Variants in SYCP2 observed in about 807,000 individuals in gnomAD.
SYCP2 encodes the protein synaptonemal complex lateral element protein.
SYCP2 carries 55 observed loss-of-function variants against 211.3 expected under a neutral mutation model. That is an observed-to-expected ratio of 0.26 (90% CI 0.21 to 0.33). The LOEUF is 0.33. Ranked by LOEUF, SYCP2 falls within the 10% of genes least tolerant of loss-of-function variation. SYCP2 has a pLI of 1.00. For missense variants in SYCP2, 1,731 were observed against 1,752.0 expected, an observed-to-expected ratio of 0.99 and a Z score of 0.21; for synonymous variants, 570 against 555.2, an observed-to-expected ratio of 1.03 and a Z score of -0.37.
intron 7 of SYCP2, among the ~76,000 whole-genome samples, chr20:59,917,273 TGAA>T (rs2060461130): frequency 3.3e-5 from 5 of 152,282 alleles, no homozygotes; most frequent in Admixed American, 3.3e-4. Context: ...TTAACCCCAA[TGAA>T]GTTCTAAATG....
At chr20:59,929,256 G>A (rs183176011) in intron 2 of SYCP2, among the ~76,000 whole-genome samples, 5 of 152,180 alleles carry the variant, frequency 3.3e-5, no homozygotes, top group East Asian at 1.9e-4. Flanking sequence ...CTGATACTAC[G>A]AAGTCACAGT....
intron 16 of SYCP2, 36 bp downstream of exon 16, chr20:59,901,626 G>T: frequency 8.0e-7 from 1 of 1,243,650 alleles, no homozygotes. Flanking sequence ...CCAGAATTAT[G>T]AAAATAGTAA....
rs894993204 is a variant in SYCP2, at chr20:59,922,509, TTTATCAG to T, written c.-46-57_-46-51del. 6 of 964,178 alleles carry T rather than the reference TTTATCAG, an allele frequency of 6.2e-6. No individual in the cohort carries two copies. The African/African-American group carries it at 1.0e-4, about 16-fold the overall frequency. 59.7% of individuals were successfully genotyped at this position (964,178 alleles called of 1,614,324 possible). On this transcript the variant is annotated intron_variant, in intron 2 of 44. Transcript: ENST00000357552. Reference sequence around the variant, plus strand: ...TGTATCTCACAATCTGTTTCATGTGTTTATCAGTTTAAATATCTTACACACATAAATA... The same window carrying T: ...TGTATCTCACAATCTGTTTCATGTGTTTTAAATATCTTACACACATAAATA...
chr20:59,871,795 A>T (rs1159356043), intron 35 of SYCP2, among the ~76,000 whole-genome samples: 1 of 151,968 alleles, frequency 6.6e-6, no homozygotes, highest in Non-Finnish European at 1.5e-5. Flanking sequence ...AATAGTTGTT[A>T]TATGTGTTGT....
intron 12 of SYCP2, 110 bp downstream of exon 12, chr20:59,913,863 CAT>C (rs2060380087): frequency 4.3e-6 from 3 of 696,342 alleles, no homozygotes; most frequent in Non-Finnish European, 6.8e-6. Context: ...TACACTCCAA[CAT>C]AGTGTAGAGA....
At chr20:59,869,467 T>TG (rs2059408937) in intron 36 of SYCP2, among the ~76,000 whole-genome samples, 1 of 151,714 alleles carries the variant, frequency 6.6e-6, no homozygotes. Flanking sequence ...GATGGATGGA[T>TG]GGGCTTTTAT....
intron 15 of SYCP2, 53 bp from the exon 16 acceptor site, chr20:59,901,863 G>A: frequency 2.2e-6 from 3 of 1,350,224 alleles, no homozygotes; most frequent in South Asian, 1.7e-5. Flanking sequence ...TACTCTGCAA[G>A]TATACTATAA....
intron 5 of SYCP2, among the ~76,000 whole-genome samples, chr20:59,920,054 G>C (rs2060512594): frequency 6.6e-6 from 1 of 151,564 alleles, no homozygotes; most frequent in Non-Finnish European, 1.5e-5. Context: ...CTACATGCTA[G>C]CATGGGAGAC....
intron 15 of SYCP2, 146 bp downstream of exon 15, chr20:59,907,218 A>T: frequency 3.2e-6 from 2 of 616,410 alleles, no homozygotes; most frequent in Non-Finnish European, 5.8e-6. Flanking sequence ...ACATGGGATC[A>T]AGGTGTTTGA....
intron 35 of SYCP2, among the ~76,000 whole-genome samples, chr20:59,873,560 A>G (rs2059494301): frequency 6.6e-6 from 1 of 152,166 alleles, no homozygotes; most frequent in Admixed American, 6.6e-5. Flanking sequence ...ATCAGACCAC[A>G]GTTGACTGTA....
intron 26 of SYCP2, 46 bp downstream of exon 26, chr20:59,885,882 T>C (rs762942745): frequency 9.9e-6 from 14 of 1,415,982 alleles, no homozygotes; most frequent in Admixed American, 9.2e-5. Flanking sequence ...TGGTCAAATA[T>C]TGAGTTTGAC....
chr20:59,928,911 A>G (rs1451458361), intron 2 of SYCP2, among the ~76,000 whole-genome samples: 1 of 152,190 alleles, frequency 6.6e-6, no homozygotes, highest in East Asian at 1.9e-4. Context: ...AAGAATTTAA[A>G]ACAAATGCAC....
At chr20:59,932,023 G>C (rs1160975190) in intron 2 of SYCP2, 39 bp downstream of exon 2, 1 of 152,174 alleles carries the variant, frequency 6.6e-6, no homozygotes, top group Non-Finnish European at 1.5e-5. Context: ...CGGAAACCGA[G>C]AACAGAATAA....
intron 2 of SYCP2, among the ~76,000 whole-genome samples, chr20:59,925,950 T>C (rs1208772511): frequency 5.9e-5 from 9 of 152,020 alleles, no homozygotes; most frequent in Non-Finnish European, 1.3e-4. Flanking sequence ...GTGGAAATAA[T>C]AGCTCTGAAT....
chr20:59,879,278 G>GCTATT (rs1270083059), intron 31 of SYCP2, among the ~76,000 whole-genome samples: 8 of 150,468 alleles, frequency 5.3e-5, no homozygotes, highest in Non-Finnish European at 1.0e-4. Context: ...AATATACTAT[G>GCTATT]CTATTCCATA....
At chr20:59,924,039 G>T (rs1341949335) in intron 2 of SYCP2, among the ~76,000 whole-genome samples, 6 of 151,786 alleles carry the variant, frequency 4.0e-5, no homozygotes, top group African/African-American at 1.2e-4. Flanking sequence ...AAAACAGCAG[G>T]TACAAGATCA....
At chr20:59,881,590 T>G in intron 28 of SYCP2, 98 bp from the exon 29 acceptor site, 1 of 610,664 alleles carries the variant, frequency 1.6e-6, no homozygotes, top group South Asian at 2.7e-5. Flanking sequence ...CACAAAATCA[T>G]AAGATTTGAC....
chr20:59,879,856 T>TACAC (rs1353552687), intron 31 of SYCP2, among the ~76,000 whole-genome samples: 68 of 114,452 alleles, frequency 5.9e-4, no homozygotes, highest in African/African-American at 2.4e-3. Context: ...TATATATATA[T>TACAC]ATATATACAC....
chr20:59,864,485 G>T, intron 44 of SYCP2, 97 bp from the exon 45 acceptor site: 1 of 804,558 alleles, frequency 1.2e-6, no homozygotes, highest in Admixed American at 2.9e-5. Flanking sequence ...TGTTATTAGT[G>T]ATTCATTTTA....
Sources: gnomAD v4.1 joint callset for allele counts (sites outside exome capture counted in the v4.1 genomes callset) on GRCh38, gnomAD v4.1.1 for gene constraint, MANE v1.5 for transcripts, NCBI Gene and HGNC (gene_info 2026-07-23, HGNC 2026-07-21) for gene names.